Variants in TBXAS1 observed in about 807,000 individuals in gnomAD.
TBXAS1 encodes the protein thromboxane A synthase 1, also known as thromboxane-A synthase.
TBXAS1 carries 48 observed loss-of-function variants against 60.7 expected under a neutral mutation model. That is an observed-to-expected ratio of 0.79 (90% confidence interval 0.63 to 1.01). The LOEUF (loss-of-function observed/expected upper bound fraction) is 1.01, where lower values mean the gene tolerates loss of function less well. TBXAS1 is among the 50% of genes least tolerant of loss of function. The pLI is 0.00. For synonymous variants in TBXAS1, 287 were observed against 269.7 expected (o/e 1.06, Z -0.63); for missense variants, 685 against 686.3 (o/e 1.00, Z 0.02).
At chr7:139,863,223 A>G (rs1035313452) in intron 1 of TBXAS1, among the ~76,000 whole-genome samples, 3 of 152,192 alleles carry the variant, frequency 2.0e-5, no homozygotes, top group African/African-American at 7.2e-5. Context: ...ATGTCAATAT[A>G]CATGTATAAT....
chr7:139,992,334 T>C (rs769706694), intron 9 of TBXAS1, among the ~76,000 whole-genome samples: 13 of 152,176 alleles, frequency 8.5e-5, no homozygotes, highest in Middle Eastern at 3.2e-3. Flanking sequence ...ACCCCCAAAT[T>C]TAATTTTTTA....
intron 1 of TBXAS1, among the ~76,000 whole-genome samples, chr7:139,859,033 G>A (rs1191016136): frequency 2.0e-5 from 3 of 151,456 alleles, no homozygotes; most frequent in Non-Finnish European, 2.9e-5. Context: ...AATTAACCAT[G>A]CCCGGTTAAT....
At chr7:139,836,035 A>AAAATAAATAAATAAAT (rs201367497) in intron 1 of TBXAS1, among the ~76,000 whole-genome samples, 1 of 140,348 alleles carries the variant, frequency 7.1e-6, no homozygotes, top group Non-Finnish European at 1.5e-5. Context: ...AATAGCTGCA[A>AAAATAAATAAATAAAT]AAATAAATAA....
intron 5 of TBXAS1, among the ~76,000 whole-genome samples, chr7:139,940,722 G>A (rs1808221800): frequency 6.6e-6 from 1 of 152,148 alleles, no homozygotes. Flanking sequence ...CTAGATGGAT[G>A]CTTCAGGAGG....
intron 10 of TBXAS1, among the ~76,000 whole-genome samples, chr7:140,010,248 G>T (rs989476753): frequency 2.0e-4 from 30 of 152,162 alleles, no homozygotes; most frequent in African/African-American, 6.5e-4. Flanking sequence ...CAAAGGATTT[G>T]GGGGTGAATG....
At chr7:139,923,342 C>A (rs755211921) in intron 4 of TBXAS1, among the ~76,000 whole-genome samples, 1 of 151,782 alleles carries the variant, frequency 6.6e-6, no homozygotes, top group Non-Finnish European at 1.5e-5. Flanking sequence ...GAGAGAGAGA[C>A]GCAAGAGAGA....
intron 10 of TBXAS1, among the ~76,000 whole-genome samples, chr7:140,009,268 A>C (rs1178644752): frequency 6.6e-6 from 1 of 152,220 alleles, no homozygotes; most frequent in Non-Finnish European, 1.5e-5. Context: ...TTCATCTAAC[A>C]GGTCTAGAGG....
At chr7:139,990,640 C>G (rs575079808) in intron 9 of TBXAS1, among the ~76,000 whole-genome samples, 5 of 152,118 alleles carry the variant, frequency 3.3e-5, no homozygotes, top group African/African-American at 1.2e-4. Context: ...GCTGTGCCCC[C>G]TCTCGGGGCC....
intron 7 of TBXAS1, among the ~76,000 whole-genome samples, chr7:139,956,674 C>T (rs1012162263): frequency 2.6e-5 from 4 of 152,264 alleles, no homozygotes; most frequent in African/African-American, 4.8e-5. Flanking sequence ...GCCCTGAAAT[C>T]GTAGGCAGAG....
At chr7:139,837,300 TCCG>T (rs1714174058) in intron 1 of TBXAS1, among the ~76,000 whole-genome samples, 1 of 152,184 alleles carries the variant, frequency 6.6e-6, no homozygotes, top group Non-Finnish European at 1.5e-5. Context: ...ATCCAGCAAT[TCCG>T]CTACTGGGTA....
chr7:139,872,242 A>G lies in TBXAS1; in HGVS notation c.97A>G (p.Thr33Ala). ...ALLALLKWYS[T>A]SAFSRLEKLG... ...ATCTGCTTTTCCCTCCAGGTACTCC[A>G]CATCAGCATTCTCAAGACTGGAGAA... The change falls in exon 2 of 13, where the codon ACA (threonine) becomes GCA (alanine). Residue 33 changes from threonine to alanine, a missense_variant. Thr to Ala is a moderately conservative substitution (Grantham distance 58). Transcript: ENST00000448866. 2 of 1,613,964 alleles carry G rather than the reference A, an allele frequency of 1.2e-6. No individual in the cohort carries two copies. The highest frequency in any genetic ancestry group is 1.7e-6 in the Non-Finnish European group (2 of 1,179,862).
chr7:139,980,941 GAA>G (rs5887947), intron 9 of TBXAS1, among the ~76,000 whole-genome samples: 4 of 146,972 alleles, frequency 2.7e-5, no homozygotes, highest in Non-Finnish European at 4.5e-5. Context: ...TTCCACAGAT[GAA>G]AAAAAAAAAT....
At chr7:139,865,719 GGAGGAGGAGGAA>G (rs1801335546) in intron 1 of TBXAS1, among the ~76,000 whole-genome samples, 2 of 121,886 alleles carry the variant, frequency 1.6e-5, no homozygotes, top group Non-Finnish European at 3.6e-5. Context: ...AGGAAGAGGA[GGAGGAGGAGGAA>G]GAGGAGGAGG....
intron 1 of TBXAS1, among the ~76,000 whole-genome samples, chr7:139,845,557 T>C (rs897824318): frequency 6.6e-6 from 1 of 152,160 alleles, no homozygotes; most frequent in Non-Finnish European, 1.5e-5. Context: ...AAGGGCAGGA[T>C]TGGTCCTTCC....
intron 11 of TBXAS1, 74 bp from the exon 12 acceptor site, chr7:140,017,597 C>T: frequency 1.3e-6 from 2 of 1,585,350 alleles, no homozygotes; most frequent in South Asian, 1.1e-5. Context: ...GCAGGGGTGG[C>T]TCAGCTGGAG....
At chr7:139,994,283 TCTGC>T (rs1298178650) in intron 9 of TBXAS1, among the ~76,000 whole-genome samples, 1 of 152,256 alleles carries the variant, frequency 6.6e-6, no homozygotes, top group Non-Finnish European at 1.5e-5. Flanking sequence ...CCTCAAGTGA[TCTGC>T]CTGCCTTGGC....
chr7:139,778,243 G>T (rs1401151166), upstream of TBXAS1: 1 of 152,110 alleles, frequency 6.6e-6, no homozygotes, highest in East Asian at 1.9e-4. The surrounding 1 kb of genome is among the most constrained non-coding windows in gnomAD (Gnocchi z 4.8). Flanking sequence ...CCGGGTAGTG[G>T]GTGAGAGGGC....
chr7:139,809,244 TAGATAGATA>T (rs1569493110), intron 4 of TBXAS1, among the ~76,000 whole-genome samples: 27 of 60,140 alleles, frequency 4.5e-4, no homozygotes, highest in African/African-American at 1.2e-3. Context: ...GATAGATAGA[TAGATAGATA>T]GATAGATAGA....
chr7:140,014,119 C>G (rs1477301688), intron 10 of TBXAS1, among the ~76,000 whole-genome samples: 1 of 152,156 alleles, frequency 6.6e-6, no homozygotes, highest in African/African-American at 2.4e-5. Flanking sequence ...CTCTGGTTGT[C>G]ATGAGAAGAC....
Sources: gnomAD v4.1 joint callset for allele counts (sites outside exome capture counted in the v4.1 genomes callset) on GRCh38, gnomAD v4.1.1 for gene constraint, Gnocchi (gnomAD v3.1) non-coding constraint, MANE v1.5 for transcripts, NCBI Gene and HGNC (gene_info 2026-07-23, HGNC 2026-07-21) for gene names.